PCDHGA12: variants seen among roughly 807,000 people sequenced by gnomAD.
PCDHGA12 encodes protocadherin gamma-A12.
A neutral mutation model predicts 61.1 loss-of-function variants in PCDHGA12; 43 were observed. The ratio of observed to expected loss-of-function variants is 0.70; its 90% CI spans 0.55 to 0.91. The LOEUF (loss-of-function observed/expected upper bound fraction) is 0.91, where lower values mean the gene tolerates loss of function less well. Ranked by LOEUF, PCDHGA12 falls within the 40% of genes least tolerant of loss-of-function variation. The probability of loss-of-function intolerance (pLI) is 0.00; values close to 1 mark genes in which losing one functional copy is unlikely to be tolerated. For synonymous variants in PCDHGA12, 520 were observed against 542.9 expected, an observed-to-expected ratio of 0.96 and a Z score of 0.59; for missense variants, 1,236 against 1,227.7, an observed-to-expected ratio of 1.01 and a Z score of -0.10.
Position 141,432,295 on chromosome 5 carries a change from G to A in PCDHGA12, c.1536G>A (p.Gly512=). 6.2e-7 allele frequency: 1 copy of A among 1,614,222 alleles called. No individual in the cohort carries two copies. The highest frequency in any genetic ancestry group is 8.5e-7 in the Non-Finnish European group (1 of 1,180,034). ...ACGTGTCCATCAACTCCGACACTGG[G>A]GTACTGTATGCGCTGAGCTCCTTCG... is the stretch of plus-strand genomic sequence containing the variant. ...SSYVSINSDT[G]VLYALSSFDY... Residue 512 remains glycine (G), a synonymous_variant, in exon 1 of 4, where the codon GGG becomes GGA. Coordinates refer to ENST00000252085, the MANE Select transcript of PCDHGA12 (RefSeq NM_003735.3). This position sits in a 1 kb window ranked among gnomAD's most constrained non-coding sequence, Gnocchi z 6.0.
chr5:141,510,289 A>T (rs1279501931), intron 3 of PCDHGA12, among the ~76,000 whole-genome samples: 3 of 151,754 alleles, frequency 2.0e-5, no homozygotes, highest in Non-Finnish European at 4.4e-5. Context: ...AAAAAAAAAA[A>T]AATGCTGTTT....
rs182682202 is a variant in PCDHGA12 at position 141,445,418 on chromosome 5, T to A, written c.2424+12235T>A. Among the ~76,000 whole-genome samples the A allele has an allele frequency of 2.2e-3, 335 of 152,310 alleles. 1 individual carries two copies. Among genetic ancestry groups the A allele is most frequent in the Middle Eastern group, 0.01 (3 of 294 alleles). Reference sequence around the variant, plus strand: ...ACAAATATTTATTAACTGTCTGCTATATGCAAGGCACTGACCTATGGACTA... The same window carrying A: ...ACAAATATTTATTAACTGTCTGCTAAATGCAAGGCACTGACCTATGGACTA... On this transcript the variant is annotated intron_variant, in intron 1 of 3. Transcript: ENST00000252085.
At chr5:141,470,942 C>T (rs1156728317) in intron 1 of PCDHGA12, among the ~76,000 whole-genome samples, 1 of 152,020 alleles carries the variant, frequency 6.6e-6, no homozygotes, top group Non-Finnish European at 1.5e-5. Context: ...GTCTCAAATT[C>T]CTGGCCTCAA....
At chr5:141,434,691 A>G (rs1263712056) in intron 1 of PCDHGA12, among the ~76,000 whole-genome samples, 2 of 152,150 alleles carry the variant, frequency 1.3e-5, no homozygotes. Flanking sequence ...GCTTGCTGTT[A>G]ATAAATATGT....
intron 1 of PCDHGA12, among the ~76,000 whole-genome samples, chr5:141,488,261 G>T (rs993627373): frequency 6.6e-6 from 1 of 152,148 alleles, no homozygotes; most frequent in Non-Finnish European, 1.5e-5. Flanking sequence ...GGTTGGGGCG[G>T]GTTGGTCATC....
chr5:141,491,723 G>C lies in PCDHGA12; in HGVS notation c.2425-3084G>C. The C allele has an allele frequency of 1.2e-6, 2 of 1,606,770 alleles. No homozygotes were observed. The highest frequency in any genetic ancestry group is 1.7e-6 in the Non-Finnish European group (2 of 1,177,028). On this transcript the variant is annotated intron_variant, in intron 1 of 3. Transcript: ENST00000252085. The surrounding 1 kb of genome is among the most constrained non-coding windows in gnomAD (Gnocchi z 6.9). The stretch of plus-strand genomic sequence containing the variant: ...CAGGTGAGGGGCTCGGCGCCGCCCC[G>C]GGCGACCCCTGGGGGCGGCACTGGA...
Position 141,491,925 on chromosome 5 carries a change from G to C in PCDHGA12, c.2425-2882G>C. On this transcript the variant is annotated intron_variant, in intron 1 of 3. Coordinates refer to ENST00000252085, the MANE Select transcript of PCDHGA12 (RefSeq NM_003735.3). This position sits in a 1 kb window ranked among gnomAD's most constrained non-coding sequence, Gnocchi z 6.9. ...GGGTGGTGGCGACTGTGGGCGAGGG[G>C]AGGTGGGACCGACCCCCACCCCTAC... 1 of 1,325,176 alleles carries C rather than the reference G, an allele frequency of 7.5e-7. No individual in the cohort carries two copies. Among genetic ancestry groups the C allele is most frequent in the Non-Finnish European group, 1.0e-6 (1 of 987,300 alleles). The allele number at this position is 1,325,176 out of a possible 1,614,324, so 82.1% of individuals were successfully genotyped here.
At chr5:141,488,069 C>T (rs1197698273) in intron 1 of PCDHGA12, among the ~76,000 whole-genome samples, 1 of 152,072 alleles carries the variant, frequency 6.6e-6, no homozygotes, top group Non-Finnish European at 1.5e-5. Context: ...ATCTTTGTCT[C>T]CCAGTATCTA....
rs898536568 is a variant in PCDHGA12 at position 141,478,080 on chromosome 5, C to T, written c.2425-16727C>T. The T allele has an allele frequency of 1.9e-6, 3 of 1,614,012 alleles. No homozygotes were observed. The Admixed American group carries it at 5.0e-5, about 27-fold the overall frequency. The stretch of plus-strand genomic sequence containing the variant: ...TTGATCAAAGACAATGGGGAGCCTT[C>T]GCTCTCCACCACTGCTACCCTCACT... On this transcript the variant is annotated intron_variant, in intron 1 of 3. Coordinates refer to ENST00000252085, the MANE Select transcript of PCDHGA12 (RefSeq NM_003735.3).
Position 141,487,007 on chromosome 5 carries a change from G to A in PCDHGA12, c.2425-7800G>A, listed in dbSNP as rs563548715. The A allele has an allele frequency of 3.1e-6, 5 of 1,614,206 alleles. No homozygotes were observed. In the South Asian group the frequency reaches 5.5e-5, roughly 18 times the overall value. ...TGCTTGGGTTTCCTATCAGCTCCTGGAGGCCCCAGATCCCAGCCTGTTTGC... is the reference window on the plus strand; with the variant it reads ...TGCTTGGGTTTCCTATCAGCTCCTGAAGGCCCCAGATCCCAGCCTGTTTGC... On this transcript the variant is annotated intron_variant, in intron 1 of 3. Transcript: ENST00000252085. This position sits in a 1 kb window ranked among gnomAD's most constrained non-coding sequence, Gnocchi z 5.0.
Position 141,460,747 on chromosome 5 carries a change from G to A in PCDHGA12, c.2424+27564G>A, listed in dbSNP as rs148154304. On this transcript the variant is annotated intron_variant, in intron 1 of 3. Transcript: ENST00000252085. ...GCATATATACACATTGTATATATAT[G>A]TGTACATATACATATTGCATATGTA... Among the ~76,000 whole-genome samples, 351 of 151,000 alleles carry A rather than the reference G, an allele frequency of 2.3e-3. 2 individuals are homozygous for A. The highest frequency in any genetic ancestry group is 6.8e-3 in the Middle Eastern group (2 of 294).
intron 3 of PCDHGA12, 78 bp from the exon 4 acceptor site, chr5:141,510,869 T>C: frequency 9.3e-6 from 15 of 1,608,708 alleles, no homozygotes; most frequent in Non-Finnish European, 1.3e-5. Flanking sequence ...AGGCATTCAT[T>C]AACTGCTGGG....
intron 2 of PCDHGA12, among the ~76,000 whole-genome samples, chr5:141,500,893 A>G (rs1393294152): frequency 1.1e-5 from 1 of 94,848 alleles, no homozygotes; most frequent in Non-Finnish European, 2.0e-5. Context: ...TTTTTTTGAG[A>G]CAGTCTCGCT....
rs1014758036 is a variant in PCDHGA12 at position 141,486,472 on chromosome 5, T to C, written c.2425-8335T>C. The C allele has an allele frequency of 6.2e-7, 1 of 1,614,032 alleles. No homozygotes were observed. Among genetic ancestry groups the C allele is most frequent in the Non-Finnish European group, 8.5e-7 (1 of 1,179,862 alleles). ...TCACTGCTTCTGATGCTGGGAACCC[T>C]CCTCTCAGTACCCACAGAACTATTT... On this transcript the variant is annotated intron_variant, in intron 1 of 3. Coordinates refer to ENST00000252085, the MANE Select transcript of PCDHGA12 (RefSeq NM_003735.3). This position sits in a 1 kb window ranked among gnomAD's most constrained non-coding sequence, Gnocchi z 5.0.
chr5:141,466,809 CA>C (rs1454424644), intron 1 of PCDHGA12, among the ~76,000 whole-genome samples: 1 of 152,102 alleles, frequency 6.6e-6, no homozygotes, highest in Non-Finnish European at 1.5e-5. Flanking sequence ...CCTATTCAGA[CA>C]TGGTATAACA....
chr5:141,431,194 T>C lies in PCDHGA12; in HGVS notation c.435T>C (p.Asn145=). Residue 145 remains asparagine (N), a synonymous_variant, in exon 1 of 4, where the codon AAT becomes AAC. Coordinates refer to ENST00000252085, the MANE Select transcript of PCDHGA12 (RefSeq NM_003735.3). The surrounding 1 kb of genome is among the most constrained non-coding windows in gnomAD (Gnocchi z 4.8). ...ESELEIKISE[N]AATEMRFPLP... is the part of the protein sequence containing the mutation. ...AATTAGAAATAAAAATTAGTGAAAA[T>C]GCAGCCACTGAGATGCGGTTCCCTC... The C allele has an allele frequency of 6.2e-7, 1 of 1,614,124 alleles. No homozygotes were observed.
intron 1 of PCDHGA12, among the ~76,000 whole-genome samples, chr5:141,462,819 A>G (rs1182498111): frequency 6.6e-6 from 1 of 152,210 alleles, no homozygotes; most frequent in East Asian, 1.9e-4. Context: ...TTTATTGGAC[A>G]GCAGACATTG....
At chr5:141,475,145 C>T (rs1214674720) in intron 1 of PCDHGA12, among the ~76,000 whole-genome samples, 2 of 151,980 alleles carry the variant, frequency 1.3e-5, no homozygotes, top group Non-Finnish European at 1.5e-5. Flanking sequence ...AAATCTTCTC[C>T]GTCTTCTTCT....
chr5:141,507,554 A>C (rs1384910590), intron 3 of PCDHGA12, among the ~76,000 whole-genome samples: 2 of 152,258 alleles, frequency 1.3e-5, no homozygotes, highest in African/African-American at 4.8e-5. Context: ...TGAAAGTGGC[A>C]GGCGGCTGGG....
Sources: allele counts gnomAD v4.1 joint callset (sites outside exome capture counted in the v4.1 genomes callset), GRCh38; gene constraint gnomAD v4.1.1; non-coding constraint Gnocchi (gnomAD v3.1); transcripts MANE v1.5; gene names NCBI Gene and HGNC (gene_info 2026-07-23, HGNC 2026-07-21).